Variants in TRPM7 observed in about 807,000 individuals in gnomAD.
The protein encoded by TRPM7 is transient receptor potential cation channel subfamily M member 7, also known as LTRPC ion channel family member 7.
In TRPM7, 134 loss-of-function variants were observed where a neutral mutation model predicts 229.7. The ratio of observed to expected loss-of-function variants is 0.58; its 90% CI spans 0.51 to 0.67. The LOEUF is 0.67. Ranked by LOEUF, TRPM7 falls within the 30% of genes least tolerant of loss-of-function variation. The pLI, the probability that TRPM7 is intolerant of heterozygous loss-of-function variation, is 0.00. For synonymous variants in TRPM7, 699 were observed against 715.2 expected (o/e 0.98, Z 0.36); for missense variants, 1,901 against 2,210.0 (o/e 0.86, Z 2.80).
intron 27 of TRPM7, among the ~76,000 whole-genome samples, chr15:50,586,941 G>A (rs1174682530): frequency 6.6e-6 from 1 of 152,110 alleles, no homozygotes; most frequent in East Asian, 1.9e-4. Flanking sequence ...ACTTGAACCC[G>A]GGAGGCGTAG....
At chr15:50,648,212 T>C (rs1241801433) in intron 4 of TRPM7, among the ~76,000 whole-genome samples, 2 of 152,070 alleles carry the variant, frequency 1.3e-5, no homozygotes, top group Admixed American at 6.6e-5. Context: ...CCCTGAAGGA[T>C]GACTGTATAA....
intron 11 of TRPM7, among the ~76,000 whole-genome samples, 200 bp downstream of exon 11, chr15:50,627,949 C>A (rs1438325623): frequency 6.6e-6 from 1 of 152,120 alleles, no homozygotes; most frequent in Non-Finnish European, 1.5e-5. Flanking sequence ...GATCTATATA[C>A]TCTACAAAAA....
At chr15:50,679,538 A>ATATATATATATATATTT (rs1400383980) in intron 1 of TRPM7, among the ~76,000 whole-genome samples, 6 of 43,900 alleles carry the variant, frequency 1.4e-4, no homozygotes, top group African/African-American at 6.4e-4. Flanking sequence ...ATATATATAT[A>ATATATATATATATATTT]TTTTTTTTTT....
intron 11 of TRPM7, among the ~76,000 whole-genome samples, chr15:50,627,548 C>T (rs1379285945): frequency 1.3e-5 from 2 of 152,132 alleles, no homozygotes; most frequent in South Asian, 2.1e-4. Context: ...GCATGTAAGG[C>T]TCTGGGTTAT....
At chr15:50,575,186 C>A in intron 33 of TRPM7, 51 bp from the exon 34 acceptor site, 4 of 1,470,260 alleles carry the variant, frequency 2.7e-6, no homozygotes, top group South Asian at 1.4e-5. Flanking sequence ...TTTTTAAAAA[C>A]GACAAAGTAA....
chr15:50,634,458 G>C lies in TRPM7; in HGVS notation c.931C>G (p.Pro311Ala). Residue 311 changes from proline (P) to alanine (A), a missense_variant, in exon 8 of 39, where the codon CCA becomes GCA. This residue lies in a region of TRPM7 where 794 missense variants were observed against 881.9 expected (regional missense o/e 0.90). Transcript: ENST00000646667. The stretch of plus-strand genomic sequence containing the variant: ...CCTGTTCCTTCACACACAACTACTG[G>C]AACAGGGGGGCTTTCCTGAAGGTAT... ...LEYLQESPPVPVVVCEGTGRA... is the reference protein window; with the variant it reads ...LEYLQESPPVAVVVCEGTGRA... The C allele has an allele frequency of 1.3e-6, 2 of 1,586,046 alleles. No homozygotes were observed. The highest frequency in any genetic ancestry group is 1.7e-6 in the Non-Finnish European group (2 of 1,168,464).
At chr15:50,607,927 T>C (rs1173009616) in intron 19 of TRPM7, among the ~76,000 whole-genome samples, 8 of 147,144 alleles carry the variant, frequency 5.4e-5, no homozygotes, top group Non-Finnish European at 1.2e-4. Context: ...TGGTGGTGCA[T>C]GCCTGCAATT....
intron 5 of TRPM7, among the ~76,000 whole-genome samples, chr15:50,641,464 C>T (rs2061099691): frequency 6.6e-6 from 1 of 152,160 alleles, no homozygotes; most frequent in Admixed American, 6.5e-5. Flanking sequence ...TCAACTGTCA[C>T]CTTATCAGCT....
At position 50,686,555 on chromosome 15, in the gene TRPM7, G is replaced by C. The variant is rs773101036; in HGVS notation, c.-22C>G. ...CCATTCTCCTCACGGGGCGGACTCCGGAAGGGCAGCAACTCCACCTCCTCC... is the reference window on the plus strand; with the variant it reads ...CCATTCTCCTCACGGGGCGGACTCCCGAAGGGCAGCAACTCCACCTCCTCC... On this transcript the variant is annotated 5_prime_UTR_variant, in exon 1 of 39. Coordinates refer to ENST00000646667, the MANE Select transcript of TRPM7 (RefSeq NM_017672.6). 3.7e-6 allele frequency: 6 copies of C among 1,609,568 alleles called. No homozygotes were observed. The highest frequency in any genetic ancestry group is 5.1e-6 in the Non-Finnish European group (6 of 1,177,608).
chr15:50,598,704 G>A (rs1434735697), intron 22 of TRPM7, among the ~76,000 whole-genome samples: 1 of 152,186 alleles, frequency 6.6e-6, no homozygotes, highest in Non-Finnish European at 1.5e-5. Context: ...TTCCTCTAAA[G>A]AGAACCATCG....
chr15:50,646,405 C>G (rs907489886), intron 4 of TRPM7, among the ~76,000 whole-genome samples: 22 of 152,200 alleles, frequency 1.4e-4, no homozygotes, highest in African/African-American at 5.3e-4. Context: ...GCTTCAGGCT[C>G]CCAAGTAGCT....
At chr15:50,614,433 G>C (rs934884989) in intron 13 of TRPM7, among the ~76,000 whole-genome samples, 170 bp from the exon 14 acceptor site, 12 of 152,184 alleles carry the variant, frequency 7.9e-5, no homozygotes, top group African/African-American at 2.9e-4. Flanking sequence ...GGGAGGCCAA[G>C]GCGGGTGCAT....
At chr15:50,612,427 T>C (rs2060085653) in intron 16 of TRPM7, 122 bp downstream of exon 16, 8 of 686,110 alleles carry the variant, frequency 1.2e-5, no homozygotes, top group Non-Finnish European at 1.7e-5. Context: ...TTTCTGTCAA[T>C]TGTACCAATA....
intron 28 of TRPM7, among the ~76,000 whole-genome samples, chr15:50,585,090 T>C: frequency 6.9e-6 from 1 of 145,508 alleles, no homozygotes; most frequent in African/African-American, 2.6e-5. Flanking sequence ...AGTCTCGCTC[T>C]GTCGCCCAGG....
chr15:50,637,551 A>G lies in TRPM7; in HGVS notation c.703T>C (p.Leu235=). 6.2e-7 allele frequency: 1 copy of G among 1,614,130 alleles called. No homozygotes were observed. The highest frequency in any genetic ancestry group is 1.7e-4 in the Middle Eastern group (1 of 6,060). The change falls in exon 7 of 39, where the codon TTG becomes CTG. Residue 235 remains leucine (L), a synonymous_variant. Transcript: ENST00000646667. Reference sequence around the variant, plus strand: ...GAATGCAGATTATTCAAAACATTCAATTTGCTCAGGGGGTTCAATAAGGTT... The same window carrying G: ...GAATGCAGATTATTCAAAACATTCAGTTTGCTCAGGGGGTTCAATAAGGTT... ...YQTLLNPLSK[L]NVLNNLHSHF...
chr15:50,678,517 AATATAT>A (rs71127114), intron 1 of TRPM7, among the ~76,000 whole-genome samples: 3,142 of 132,638 alleles, frequency 0.024, 123 homozygotes, highest in African/African-American at 0.081. Flanking sequence ...AAAAAAAAAA[AATATAT>A]ATATATATAT....
rs184388251 is a variant in TRPM7 at position 50,585,800 on chromosome 15, C to T, written c.4486+592G>A. Among the ~76,000 whole-genome samples the T allele has an allele frequency of 7.0e-3, 1,070 of 152,126 alleles. 9 individuals are homozygous for T. The highest frequency in any genetic ancestry group is 0.027 in the Middle Eastern group (8 of 294). ...CAACGATGTGCATATATAATCTTGACTTATAAAAAATTATGATATGGAAAC... is the reference window on the plus strand; with the variant it reads ...CAACGATGTGCATATATAATCTTGATTTATAAAAAATTATGATATGGAAAC... On this transcript the variant is annotated intron_variant, in intron 28 of 38. Coordinates refer to ENST00000646667, the MANE Select transcript of TRPM7 (RefSeq NM_017672.6).
chr15:50,662,815 T>A, intron 2 of TRPM7, 152 bp downstream of exon 2: 1 of 665,694 alleles, frequency 1.5e-6, no homozygotes, highest in Admixed American at 2.9e-5. Flanking sequence ...CTCCTCCCAA[T>A]CCCTCCCAAA....
chr15:50,602,791 G>GT (rs1347285667), intron 21 of TRPM7, among the ~76,000 whole-genome samples: 2 of 152,168 alleles, frequency 1.3e-5, no homozygotes, highest in Non-Finnish European at 1.5e-5. Flanking sequence ...CAAAGGGGAT[G>GT]TAAAGGGAAG....
Sources: gnomAD v4.1 joint callset for allele counts (sites outside exome capture counted in the v4.1 genomes callset) on GRCh38, gnomAD v4.1.1 for gene constraint, gnomAD v4.1.1 regional missense constraint, MANE v1.5 for transcripts, NCBI Gene and HGNC (gene_info 2026-07-23, HGNC 2026-07-21) for gene names.